The following ANKRD11 variants were observed in gnomAD, a reference collection of about 807,000 sequenced individuals.
ANKRD11 encodes the protein ankyrin repeat domain 11, also known as ankyrin repeat domain-containing protein 11.
Under a neutral mutation model 195.7 loss-of-function variants are expected in ANKRD11, and 17 were observed. The ratio of observed to expected loss-of-function variants is 0.09; its 90% CI spans 0.06 to 0.13. The LOEUF (loss-of-function observed/expected upper bound fraction) is 0.13. ANKRD11 is among the 10% of genes least tolerant of loss of function. The probability of loss-of-function intolerance (pLI) is 1.00; values close to 1 mark genes in which losing one functional copy is unlikely to be tolerated. For missense variants in ANKRD11, 3,735 were observed against 3,566.1 expected (o/e 1.05, Z -1.21); for synonymous variants, 1,953 against 1,528.1 (o/e 1.28, Z -6.49).
At chr16:89,324,287 A>T (rs1374841325) in intron 2 of ANKRD11, 25 of 1,256,814 alleles carry the variant, frequency 2.0e-5, no homozygotes, top group Non-Finnish European at 2.5e-5. Flanking sequence ...CGTGCTCCGG[A>T]ACACGGACCA....
intron 3 of ANKRD11, 21 bp downstream of exon 3, chr16:89,316,912 G>A (rs1227396024): frequency 1.9e-6 from 3 of 1,610,800 alleles, no homozygotes; most frequent in Non-Finnish European, 2.5e-6. Context: ...AGCATGCAGG[G>A]CTGGGAGGGG....
intron 1 of ANKRD11, among the ~76,000 whole-genome samples, chr16:89,486,074 T>C (rs1458337879): frequency 6.6e-6 from 1 of 152,166 alleles, no homozygotes; most frequent in Non-Finnish European, 1.5e-5. Context: ...ACTCTCCCTT[T>C]ATGTTTCTTT....
chr16:89,361,332 G>C (rs531784478), intron 2 of ANKRD11, among the ~76,000 whole-genome samples: 1 of 152,296 alleles, frequency 6.6e-6, no homozygotes, highest in South Asian at 2.1e-4. Flanking sequence ...CGCCGGGGGC[G>C]GGGGGTGCTG....
intron 1 of ANKRD11, among the ~76,000 whole-genome samples, chr16:89,425,256 G>T (rs1453609012): frequency 1.3e-5 from 2 of 152,082 alleles, no homozygotes; most frequent in Admixed American, 6.6e-5. Context: ...ATTTAGTCAA[G>T]GTCACATTTT....
rs143287644 is a variant in ANKRD11, at chr16:89,268,631, G to C, written c.7839C>G (p.Ala2613=). ...TCCTCTGCACGGCGTTCAGGGCCGC[G>C]GCCTCGTGCTGCTGCCGCATGAGGA... The part of the protein sequence containing the change: ...TCLLMRQQHE[A]AALNAVQRME... Residue 2613 remains alanine (A), a synonymous_variant, in exon 13 of 13, where the codon GCC becomes GCG. Coordinates refer to ENST00000301030, the MANE Select transcript of ANKRD11 (RefSeq NM_013275.6). The C allele has an allele frequency of 2.4e-4, 381 of 1,573,058 alleles. 2 individuals are homozygous for C. The African/African-American group carries it at 4.6e-3, about 19-fold the overall frequency.
At chr16:89,399,202 C>G (rs548803936) in intron 2 of ANKRD11, among the ~76,000 whole-genome samples, 6 of 152,246 alleles carry the variant, frequency 3.9e-5, no homozygotes, top group African/African-American at 1.4e-4. Context: ...AGAGGCAGAA[C>G]CGAGTTCAGG....
chr16:89,452,543 G>A (rs2044125005), intron 1 of ANKRD11, among the ~76,000 whole-genome samples: 1 of 152,158 alleles, frequency 6.6e-6, no homozygotes, highest in African/African-American at 2.4e-5. Flanking sequence ...CTGGGAGGCT[G>A]AGGCGGGTGG....
intron 2 of ANKRD11, among the ~76,000 whole-genome samples, chr16:89,325,428 ACCCTCTC>A (rs1403015099): frequency 3.4e-5 from 5 of 145,212 alleles, no homozygotes; most frequent in African/African-American, 1.0e-4. Flanking sequence ...TCAGAGCCAG[ACCCTCTC>A]CCCTCTCCCC....
At chr16:89,337,167 C>T (rs980424294) in intron 2 of ANKRD11, among the ~76,000 whole-genome samples, 3 of 152,018 alleles carry the variant, frequency 2.0e-5, no homozygotes, top group Admixed American at 2.0e-4. Context: ...CCCTGGGCAA[C>T]AGAGTGAGAC....
intron 6 of ANKRD11, 132 bp from the exon 7 acceptor site, chr16:89,288,802 G>A: frequency 2.4e-6 from 3 of 1,271,834 alleles, no homozygotes; most frequent in Non-Finnish European, 3.4e-6. Context: ...AGTGAGGGCT[G>A]CAGTTTAGGG....
rs549163436 is a variant in ANKRD11, at chr16:89,274,795, G to A, written c.7713+19C>T. 1.2e-6 allele frequency: 2 copies of A among 1,607,484 alleles called. No homozygotes were observed. The highest frequency in any genetic ancestry group is 2.2e-5 in the East Asian group (1 of 44,886). ...GCAGGCACTTGGACTCATGGGCCTGGCATGCAGACGGGCCCTACCTGGCTC... is the reference window on the plus strand; with the variant it reads ...GCAGGCACTTGGACTCATGGGCCTGACATGCAGACGGGCCCTACCTGGCTC... On this transcript the variant is annotated intron_variant, in intron 11 of 12. Transcript: ENST00000301030.
chr16:89,476,966 C>T (rs1742301940), intron 1 of ANKRD11, among the ~76,000 whole-genome samples: 1 of 152,090 alleles, frequency 6.6e-6, no homozygotes, highest in South Asian at 2.1e-4. Flanking sequence ...ATCTATAATA[C>T]GAGGAGCTCG....
Position 89,382,103 on chromosome 16 carries a change from G to A in ANKRD11, c.-60+36181C>T, listed in dbSNP as rs912906143. Among the ~76,000 whole-genome samples the A allele has an allele frequency of 2.5e-4, 38 of 152,284 alleles. 1 individual carries two copies. The highest frequency in any genetic ancestry group is 8.5e-4 in the Admixed American group (13 of 15,292). ...CCAGGCAGGCGCCACCAGAACGGGC[G>A]AGGGGGACGCGGCCTCCCAGCAGCT... On this transcript the variant is annotated intron_variant, in intron 2 of 12. Transcript: ENST00000301030.
chr16:89,336,663 C>T (rs958208004), intron 2 of ANKRD11, among the ~76,000 whole-genome samples: 2 of 152,146 alleles, frequency 1.3e-5, no homozygotes, highest in African/African-American at 2.4e-5. Context: ...GGGTGGGCCA[C>T]GACAGGGAGC....
chr16:89,423,348 G>A (rs373193313), intron 1 of ANKRD11, among the ~76,000 whole-genome samples: 3 of 152,314 alleles, frequency 2.0e-5, no homozygotes, highest in African/African-American at 7.2e-5. Flanking sequence ...CATTAACCCT[G>A]GGCTCCGAAC....
chr16:89,364,185 A>G (rs1031173086), intron 2 of ANKRD11, among the ~76,000 whole-genome samples: 1 of 152,202 alleles, frequency 6.6e-6, no homozygotes, highest in African/African-American at 2.4e-5. Context: ...GCCCACGAGG[A>G]CCCTGCCACT....
chr16:89,350,878 A>G (rs2039181703), intron 2 of ANKRD11, among the ~76,000 whole-genome samples: 1 of 152,180 alleles, frequency 6.6e-6, no homozygotes, highest in Non-Finnish European at 1.5e-5. Context: ...CCCATGGCAT[A>G]AACACCTACC....
intron 7 of ANKRD11, chr16:89,287,158 C>G: frequency 7.9e-7 from 1 of 1,261,848 alleles, no homozygotes; most frequent in Non-Finnish European, 1.0e-6. Flanking sequence ...ACGGAGGTCC[C>G]CAGTCCCAGC....
chr16:89,285,186 A>T lies in ANKRD11; in HGVS notation c.1356T>A (p.Asn452Lys). The change falls in exon 9 of 13, where the codon AAT becomes AAA. Residue 452 changes from asparagine to lysine, a missense_variant. Physicochemically the swap from Asn to Lys is moderately conservative, Grantham distance 94. Coordinates refer to ENST00000301030, the MANE Select transcript of ANKRD11 (RefSeq NM_013275.6). The surrounding 1 kb of genome is among the most constrained non-coding windows in gnomAD (Gnocchi z 5.6). ...CTTTCTTTCGCTTCTTTTTCACTTT[A>T]TTTTTTTCCTTCTGCTGCTTGGCAT... ...PSNAKQQKEKNKVKKKRKKET... is the reference protein window; with the variant it reads ...PSNAKQQKEKKKVKKKRKKET... The T allele has an allele frequency of 2.0e-5, 32 of 1,612,196 alleles. No individual in the cohort carries two copies. The highest frequency in any genetic ancestry group is 2.6e-5 in the Non-Finnish European group (31 of 1,179,728).
Sources: gnomAD v4.1 joint callset for allele counts (sites outside exome capture counted in the v4.1 genomes callset) on GRCh38, gnomAD v4.1.1 for gene constraint, Gnocchi (gnomAD v3.1) non-coding constraint, MANE v1.5 for transcripts, NCBI Gene and HGNC (gene_info 2026-07-23, HGNC 2026-07-21) for gene names.